The following GRHPR variants were observed in gnomAD, a reference collection of about 807,000 sequenced individuals.
GRHPR encodes the protein glyoxylate and hydroxypyruvate reductase, also known as glyoxylate reductase/hydroxypyruvate reductase.
Under a neutral mutation model 36.8 loss-of-function variants are expected in GRHPR, and 35 were observed. The observed-to-expected ratio is 0.95, with a 90% CI of 0.73 to 1.26. The LOEUF (loss-of-function observed/expected upper bound fraction) is 1.26. Among genes scored for constraint, GRHPR ranks in the 50% most tolerant of loss-of-function variants. GRHPR has a pLI of 0.00. For missense variants in GRHPR, 380 were observed against 435.0 expected (o/e 0.87, Z 1.12); for synonymous variants, 179 against 181.0 (o/e 0.99, Z 0.09).
chr9:37,435,768 C>A (rs1823611760), intron 8 of GRHPR, among the ~76,000 whole-genome samples: 1 of 152,142 alleles, frequency 6.6e-6, no homozygotes, highest in Non-Finnish European at 1.5e-5. Flanking sequence ...TAAAAGGAAA[C>A]ATGATTTCTA....
At chr9:37,429,164 G>A (rs912821995) in intron 5 of GRHPR, 1 of 251,846 alleles carries the variant, frequency 4.0e-6, no homozygotes, top group Non-Finnish European at 7.9e-6. Context: ...TCTAGCCAAC[G>A]AACAGCCCTG....
intron 8 of GRHPR, chr9:37,433,968 A>G (rs1218221438): frequency 1.1e-5 from 4 of 378,714 alleles, no homozygotes; most frequent in Non-Finnish European, 1.9e-5. Context: ...CCCCCACCCC[A>G]GCCTGCAAGG....
At position 37,428,308 on chromosome 9, in the gene GRHPR, G is replaced by A. The variant is rs1941360778; in HGVS notation, c.405-176G>A. ...CTATGTCTCTGGTGGCTTTAAAGGT[G>A]GAGTCGTTTCTGCTGCTCATCTGCA... On this transcript the variant is annotated intron_variant, in intron 4 of 8. Transcript: ENST00000318158. The A allele has an allele frequency of 7.5e-6, 5 of 666,196 alleles. No homozygotes were observed. In the South Asian group the frequency reaches 8.2e-5, roughly 11 times the overall value. 41.3% of individuals were successfully genotyped at this position (666,196 alleles called of 1,614,324 possible).
downstream of GRHPR, chr9:37,438,934 CAT>C (rs768930898): frequency 7.2e-5 from 11 of 152,216 alleles, no homozygotes; most frequent in Non-Finnish European, 1.0e-4. Context: ...ATTATCCACA[CAT>C]GTGTAACTGC....
chr9:37,437,940 A>G (rs189595306), downstream of GRHPR, among the ~76,000 whole-genome samples: 2 of 152,314 alleles, frequency 1.3e-5, no homozygotes, highest in East Asian at 1.9e-4. Flanking sequence ...TCAAAGACAG[A>G]AAAGGCGGGG....
chr9:37,428,639 C>A (rs1013950815), intron 5 of GRHPR, 67 bp downstream of exon 5: 15 of 1,053,648 alleles, frequency 1.4e-5, no homozygotes, highest in Middle Eastern at 2.0e-4. Context: ...CCTGGCACCA[C>A]GTGTCTGAAG....
chr9:37,424,450 G>A (rs1439106374), intron 1 of GRHPR, among the ~76,000 whole-genome samples: 2 of 152,236 alleles, frequency 1.3e-5, no homozygotes. Context: ...TCTATTTCAT[G>A]GACTCCACGG....
At chr9:37,432,353 G>C in intron 8 of GRHPR, 1 of 544,450 alleles carries the variant, frequency 1.8e-6, no homozygotes, top group East Asian at 3.7e-5. Context: ...GTCCCTAAAG[G>C]AACAGAATGT....
chr9:37,431,482 A>T, intron 7 of GRHPR: 1 of 233,790 alleles, frequency 4.3e-6, no homozygotes, highest in Non-Finnish European at 8.5e-6. Context: ...AGTCTCTAGA[A>T]GATGACTTCT....
downstream of GRHPR, chr9:37,438,976 G>A (rs1387433008): frequency 2.0e-5 from 3 of 152,178 alleles, no homozygotes; most frequent in East Asian, 1.9e-4. Flanking sequence ...GAGAAAACAC[G>A]CTCATTTTTG....
chr9:37,424,831 C>T lies in GRHPR; in HGVS notation c.84-14C>T. ...CGGCTCCTGCTTCTCCTGAGGGCCT[C>T]CCTTTCCCCGCAGCTGTGAGGTGGA... On this transcript the variant is annotated splice_polypyrimidine_tract_variant and intron_variant, in intron 1 of 8. Transcript: ENST00000318158. 1.2e-6 allele frequency: 2 copies of T among 1,612,306 alleles called. No homozygotes were observed. The highest frequency in any genetic ancestry group is 2.2e-5 in the South Asian group (2 of 90,820).
downstream of GRHPR, chr9:37,438,337 C>A (rs1823765362): frequency 6.6e-6 from 1 of 152,548 alleles, no homozygotes; most frequent in African/African-American, 2.4e-5. Flanking sequence ...AACCCTGGGA[C>A]TGGTTTTCCA....
At chr9:37,431,079 C>T in intron 7 of GRHPR, 2 of 470,284 alleles carry the variant, frequency 4.3e-6, no homozygotes, top group Non-Finnish European at 8.8e-6. Flanking sequence ...GCGGACAGAC[C>T]CTAAAACTCA....
intron 1 of GRHPR, among the ~76,000 whole-genome samples, chr9:37,423,443 GA>G (rs1822938125): frequency 6.6e-6 from 1 of 151,570 alleles, no homozygotes; most frequent in Admixed American, 6.6e-5. Flanking sequence ...AAAGTGTTGG[GA>G]TTACAGGTGT....
downstream of GRHPR, among the ~76,000 whole-genome samples, chr9:37,437,303 G>A (rs1467708016): frequency 6.6e-6 from 1 of 152,180 alleles, no homozygotes; most frequent in Non-Finnish European, 1.5e-5. Context: ...CAAAGTCACA[G>A]CATCCAATGA....
chr9:37,430,253 T>C (rs1823296083), intron 6 of GRHPR: 3 of 584,296 alleles, frequency 5.1e-6, no homozygotes, highest in Admixed American at 2.7e-5. Context: ...GGTGAGCAGA[T>C]GGCAGGCTGG....
chr9:37,437,972 G>C (rs1159462099), downstream of GRHPR: 1 of 152,186 alleles, frequency 6.6e-6, no homozygotes, highest in Non-Finnish European at 1.5e-5. Context: ...GGAATGATTT[G>C]AGAGGAACGA....
At chr9:37,430,101 G>A (rs183900360) in intron 6 of GRHPR, 130 of 552,934 alleles carry the variant, frequency 2.4e-4, no homozygotes, top group African/African-American at 1.9e-3. Context: ...CATTGTGGGC[G>A]GAGCAGCGGG....
At chr9:37,425,409 G>C (rs1823033459) in intron 2 of GRHPR, among the ~76,000 whole-genome samples, 1 of 152,226 alleles carries the variant, frequency 6.6e-6, no homozygotes, top group Admixed American at 6.5e-5. Context: ...ACCTCCCCCT[G>C]TGAGGCTGTT....
Sources: allele counts gnomAD v4.1 joint callset (sites outside exome capture counted in the v4.1 genomes callset), GRCh38; gene constraint gnomAD v4.1.1; transcripts MANE v1.5; gene names NCBI Gene and HGNC (gene_info 2026-07-23, HGNC 2026-07-21).